The following SCRG1 variants were observed in gnomAD, a reference collection of about 807,000 sequenced individuals.
The protein encoded by SCRG1 is stimulator of chondrogenesis 1.
Under a neutral mutation model 7.7 loss-of-function variants are expected in SCRG1, and 3 were observed. That is an observed-to-expected ratio of 0.39 (90% confidence interval 0.18 to 1.01). The LOEUF is 1.01. Ranked by LOEUF, SCRG1 falls within the 50% of genes least tolerant of loss-of-function variation. The pLI is 0.36. For synonymous variants in SCRG1, 46 were observed against 41.2 expected (o/e 1.12, Z -0.44); for missense variants, 110 against 117.2 (o/e 0.94, Z 0.28).
chr4:173,462,073 C>T, the SCRG1 span, among the ~76,000 whole-genome samples: 1 of 152,026 alleles, frequency 6.6e-6, no homozygotes, highest in African/African-American at 2.4e-5. Flanking sequence ...TTAAAATAGC[C>T]TTAAAAGGGC....
At chr4:173,442,076 C>T in the SCRG1 span, among the ~76,000 whole-genome samples, 4 of 152,118 alleles carry the variant, frequency 2.6e-5, no homozygotes, top group Non-Finnish European at 5.9e-5. Flanking sequence ...TAAACATTAT[C>T]GGGCAGGAAG....
chr4:173,516,204 A>G, the SCRG1 span, among the ~76,000 whole-genome samples: 1 of 152,224 alleles, frequency 6.6e-6, no homozygotes, highest in South Asian at 2.1e-4. Context: ...ATCCCAGAGA[A>G]TGTTTAATTA....
chr4:173,459,497 T>C, the SCRG1 span, among the ~76,000 whole-genome samples: 1 of 152,148 alleles, frequency 6.6e-6, no homozygotes, highest in Non-Finnish European at 1.5e-5. Flanking sequence ...CTTAACAACA[T>C]GCTCCTGAGT....
At chr4:173,391,696 T>C (rs1316734174) in intron 1 of SCRG1, among the ~76,000 whole-genome samples, 1 of 152,210 alleles carries the variant, frequency 6.6e-6, no homozygotes, top group Non-Finnish European at 1.5e-5. Flanking sequence ...GGGAGGCCTA[T>C]GTACAAGGAT....
the SCRG1 span, among the ~76,000 whole-genome samples, chr4:173,420,457 T>C: frequency 2.0e-5 from 3 of 152,268 alleles, no homozygotes; most frequent in East Asian, 5.8e-4. Flanking sequence ...TCTGAAAGAA[T>C]GGTAGCTGTT....
the SCRG1 span, among the ~76,000 whole-genome samples, chr4:173,518,449 A>G: frequency 6.6e-6 from 1 of 152,226 alleles, no homozygotes; most frequent in Non-Finnish European, 1.5e-5. Context: ...AGTTTCCAAC[A>G]CACTGTTCAG....
At chr4:173,483,518 A>ATTATT in the SCRG1 span, among the ~76,000 whole-genome samples, 2 of 87,964 alleles carry the variant, frequency 2.3e-5, 1 homozygote, top group East Asian at 6.1e-4. Flanking sequence ...TATATAATAT[A>ATTATT]TATTATATAT....
At chr4:173,441,917 A>G in the SCRG1 span, among the ~76,000 whole-genome samples, 1 of 152,224 alleles carries the variant, frequency 6.6e-6, no homozygotes. Flanking sequence ...AATAAGGGAA[A>G]GCAAAACAAG....
chr4:173,436,693 C>T, the SCRG1 span, among the ~76,000 whole-genome samples: 1 of 152,110 alleles, frequency 6.6e-6, no homozygotes, highest in Non-Finnish European at 1.5e-5. Context: ...AAATTGGAAG[C>T]CATGTCAGCA....
chr4:173,434,962 G>A, the SCRG1 span, among the ~76,000 whole-genome samples: 1 of 152,158 alleles, frequency 6.6e-6, no homozygotes, highest in Non-Finnish European at 1.5e-5. Context: ...AGGGGTTCAG[G>A]CTGGGGTCTT....
At chr4:173,425,770 C>G in the SCRG1 span, among the ~76,000 whole-genome samples, 1 of 152,342 alleles carries the variant, frequency 6.6e-6, no homozygotes, top group East Asian at 1.9e-4. Context: ...TTCTTCTATT[C>G]TTGTCTACTG....
the SCRG1 span, among the ~76,000 whole-genome samples, chr4:173,495,964 G>A: frequency 1.1e-4 from 16 of 152,278 alleles, no homozygotes; most frequent in African/African-American, 3.6e-4. Context: ...AATTTTGAAG[G>A]ACAAGAATCC....
intron 1 of SCRG1, among the ~76,000 whole-genome samples, chr4:173,396,466 A>C (rs2126918534): frequency 6.6e-6 from 1 of 152,300 alleles, no homozygotes; most frequent in Middle Eastern, 3.4e-3. Flanking sequence ...GGCAGCAAGG[A>C]CTGTAACTTC....
At chr4:173,484,824 A>T in the SCRG1 span, among the ~76,000 whole-genome samples, 1 of 85,582 alleles carries the variant, frequency 1.2e-5, no homozygotes, top group East Asian at 3.4e-4. Context: ...CATATAATAT[A>T]TATTATATGT....
intron 1 of SCRG1, among the ~76,000 whole-genome samples, chr4:173,393,581 T>C (rs561807099): frequency 6.6e-6 from 1 of 152,288 alleles, no homozygotes; most frequent in East Asian, 1.9e-4. Flanking sequence ...TTGAGAAGAA[T>C]GTATATTCTT....
chr4:173,419,734 G>T, the SCRG1 span: 6 of 1,154,866 alleles, frequency 5.2e-6, no homozygotes, highest in Non-Finnish European at 7.7e-6. Context: ...CAAGGTCTGC[G>T]ACCAAATAGC....
the SCRG1 span, among the ~76,000 whole-genome samples, chr4:173,488,851 T>C: frequency 3.3e-5 from 5 of 152,208 alleles, no homozygotes; most frequent in Admixed American, 6.5e-5. Context: ...GAAGCTAGCC[T>C]TGGTCCTTAC....
At chr4:173,464,451 AT>A in the SCRG1 span, among the ~76,000 whole-genome samples, 1 of 152,156 alleles carries the variant, frequency 6.6e-6, no homozygotes, top group African/African-American at 2.4e-5. Flanking sequence ...TTAACCAAAC[AT>A]TGTGGTTGTA....
At chr4:173,495,070 G>C in the SCRG1 span, among the ~76,000 whole-genome samples, 1 of 152,202 alleles carries the variant, frequency 6.6e-6, no homozygotes, top group African/African-American at 2.4e-5. Context: ...TGAAAAATAG[G>C]GAAAACAGGG....
Sources: gnomAD v4.1 joint callset for allele counts (sites outside exome capture counted in the v4.1 genomes callset) on GRCh38, gnomAD v4.1.1 for gene constraint, MANE v1.5 for transcripts, NCBI Gene and HGNC (gene_info 2026-07-23, HGNC 2026-07-21) for gene names.